Variants in VCPIP1 observed in about 807,000 individuals in gnomAD.
The protein encoded by VCPIP1 is deubiquitinating protein VCPIP1.
In VCPIP1, 8 loss-of-function variants were observed where a neutral mutation model predicts 85.0. The observed-to-expected ratio is 0.09, with a 90% CI of 0.06 to 0.17. VCPIP1 has a LOEUF of 0.17. Among genes scored for constraint, VCPIP1 ranks in the 10% least tolerant of loss-of-function variants. The probability of loss-of-function intolerance (pLI) is 1.00; values close to 1 mark genes in which losing one functional copy is unlikely to be tolerated. For missense variants in VCPIP1, 1,070 were observed against 1,486.3 expected, an observed-to-expected ratio of 0.72 and a Z score of 4.61; for synonymous variants, 543 against 544.5, an observed-to-expected ratio of 1.00 and a Z score of 0.04.
chr8:66,638,970 C>CTCTATATATATATATA, intron 2 of VCPIP1, among the ~76,000 whole-genome samples: 3 of 118,428 alleles, frequency 2.5e-5, no homozygotes, highest in African/African-American at 1.2e-4. Context: ...CTCTCTCTCT[C>CTCTATATATATATATA]TATATATATA....
intron 2 of VCPIP1, among the ~76,000 whole-genome samples, chr8:66,646,821 C>G (rs1475578994): frequency 6.6e-6 from 1 of 151,104 alleles, no homozygotes; most frequent in Admixed American, 6.6e-5. Context: ...TACAGAAGTT[C>G]GAGACCAGCC....
intron 1 of VCPIP1, among the ~76,000 whole-genome samples, chr8:66,663,263 T>A (rs952086694): frequency 6.6e-6 from 1 of 152,156 alleles, no homozygotes; most frequent in Non-Finnish European, 1.5e-5. Flanking sequence ...CTCCCCCAGA[T>A]AAGCCAGGAG....
chr8:66,651,162 G>A (rs1460164859), intron 2 of VCPIP1, among the ~76,000 whole-genome samples: 1 of 140,914 alleles, frequency 7.1e-6, no homozygotes, highest in East Asian at 2.0e-4. Flanking sequence ...TCCAGCCTGG[G>A]CAACAAGAAC....
In VCPIP1 at chr8:66,664,722, A is replaced by T; in HGVS notation, c.2237T>A (p.Val746Asp). 1.9e-6 allele frequency: 3 copies of T among 1,613,778 alleles called. No individual in the cohort carries two copies. The highest frequency in any genetic ancestry group is 2.5e-6 in the Non-Finnish European group (3 of 1,179,930). The part of the protein sequence containing the change: ...KQEQKGQPRT[V>D]SPSTIRDGPS... ...ACCATCACGAATGGTACTGGGAGAA[A>T]CAGTCCTGGGTTGCCCTTTTTGTTC... Residue 746 changes from valine to aspartate, a missense_variant, in exon 1 of 3, where the codon GTT becomes GAT. Val to Asp is a radical substitution (Grantham distance 152). This residue lies in a region of VCPIP1 where 278 missense variants were observed against 298.5 expected (regional missense o/e 0.93). Coordinates refer to ENST00000310421, the MANE Select transcript of VCPIP1 (RefSeq NM_025054.5).
intron 2 of VCPIP1, among the ~76,000 whole-genome samples, chr8:66,649,282 G>A (rs1299623872): frequency 2.0e-5 from 3 of 152,012 alleles, no homozygotes; most frequent in African/African-American, 4.8e-5. Context: ...AGGTCAAGGC[G>A]AGAGGATTGC....
At chr8:66,639,321 CTTTTTTTTTTTTTT>C (rs57563619) in intron 2 of VCPIP1, among the ~76,000 whole-genome samples, 2 of 67,808 alleles carry the variant, frequency 2.9e-5, no homozygotes, top group Middle Eastern at 0.022. Context: ...TAATTTTATT[CTTTTTTTTTTTTTT>C]TTTTTTTTTT....
intron 2 of VCPIP1, among the ~76,000 whole-genome samples, chr8:66,635,913 CAAAAA>C (rs1187108604): frequency 1.1e-4 from 8 of 75,726 alleles, no homozygotes; most frequent in Admixed American, 1.6e-4. Flanking sequence ...AACTCTATCT[CAAAAA>C]AAAAAAAAAA....
chr8:66,644,977 TG>T (rs1810980636), intron 2 of VCPIP1, among the ~76,000 whole-genome samples: 2 of 151,606 alleles, frequency 1.3e-5, no homozygotes, highest in Admixed American at 1.3e-4. Context: ...CCCACATCTG[TG>T]GTCCCAGCTA....
At chr8:66,656,230 T>C (rs529418545) in intron 1 of VCPIP1, among the ~76,000 whole-genome samples, 1 of 152,350 alleles carries the variant, frequency 6.6e-6, no homozygotes, top group South Asian at 2.1e-4. Flanking sequence ...GGTCTCGCTC[T>C]GTCACCCAGG....
rs1391673413 is a variant in VCPIP1, at chr8:66,633,231, G to A, written c.*1270C>T. 1 of 152,558 alleles carries A rather than the reference G, an allele frequency of 6.6e-6. No homozygotes were observed. The highest frequency in any genetic ancestry group is 1.9e-4 in the East Asian group (1 of 5,204). 9.5% of individuals were successfully genotyped at this position (152,558 alleles called of 1,614,324 possible). On this transcript the variant is annotated 3_prime_UTR_variant, in exon 3 of 3. Coordinates refer to ENST00000310421, the MANE Select transcript of VCPIP1 (RefSeq NM_025054.5). ...GTGCAAACAGAGACAGCCAGGCTTT[G>A]AATGCTCTAGGTAAGAGATTGTATT...
chr8:66,652,023 A>G (rs1811058898), intron 1 of VCPIP1, among the ~76,000 whole-genome samples: 1 of 151,922 alleles, frequency 6.6e-6, no homozygotes, highest in Non-Finnish European at 1.5e-5. Context: ...AAAAAAAAAA[A>G]AAAAATAGCT....
Position 66,667,223 on chromosome 8 carries a change from C to A in VCPIP1, c.-265G>T. 2 of 617,090 alleles carry A rather than the reference C, an allele frequency of 3.2e-6. No individual in the cohort carries two copies. The highest frequency in any genetic ancestry group is 6.7e-5 in the South Asian group (2 of 29,992). 38.2% of individuals were successfully genotyped at this position (617,090 alleles called of 1,614,324 possible). A position where few individuals can be genotyped will look rare whatever the true frequency, so the allele number is the denominator to read the frequency against. On this transcript the variant is annotated 5_prime_UTR_variant, in exon 1 of 3. In the 5' UTR this introduces an upstream ATG that the reference lacks. Transcript: ENST00000310421. ...ACTCACTCACTCTCGCTCTCTCTCC[C>A]TCAGACACAGACATACACGCCCTCA...
At chr8:66,654,226 A>C (rs1490943984) in intron 1 of VCPIP1, among the ~76,000 whole-genome samples, 3 of 152,254 alleles carry the variant, frequency 2.0e-5, no homozygotes, top group African/African-American at 7.2e-5. Flanking sequence ...CTGTAATCCC[A>C]ACACTTTGGG....
rs1335206829 is a variant in VCPIP1, at chr8:66,666,259, A to G, written c.700T>C (p.Phe234Leu). The G allele has an allele frequency of 1.2e-6, 2 of 1,614,014 alleles. No homozygotes were observed. The highest frequency in any genetic ancestry group is 1.7e-5 in the Admixed American group (1 of 60,000). Residue 234 changes from phenylalanine (F) to leucine (L), a missense_variant, in exon 1 of 3, where the codon TTC (phenylalanine) becomes CTC (leucine). By Grantham distance (22) the Phe-to-Leu change is conservative. Coordinates refer to ENST00000310421, the MANE Select transcript of VCPIP1 (RefSeq NM_025054.5). The surrounding 1 kb of genome is among the most constrained non-coding windows in gnomAD (Gnocchi z 6.3). The stretch of plus-strand genomic sequence containing the variant: ...AGATTCTCTCTTAAGGCATGCCAGA[A>G]GAGCTCTCGGCCTACTAGAGCCCGA... ...VSRALVGREL[F>L]WHALRENLKQ...
At chr8:66,639,321 CTTTTTTTTTTTTTTT>C (rs57563619) in intron 2 of VCPIP1, among the ~76,000 whole-genome samples, 30 of 67,808 alleles carry the variant, frequency 4.4e-4, no homozygotes, top group African/African-American at 1.8e-3. Flanking sequence ...TAATTTTATT[CTTTTTTTTTTTTTTT>C]TTTTTTTTTT....
intron 2 of VCPIP1, among the ~76,000 whole-genome samples, chr8:66,638,008 T>C (rs761533084): frequency 1.3e-5 from 2 of 152,176 alleles, no homozygotes; most frequent in Admixed American, 1.3e-4. Context: ...TACTTATATA[T>C]GCTAATGACA....
rs1010789196 is a variant in VCPIP1, at chr8:66,659,073, A to G, written c.2710+5176T>C. On this transcript the variant is annotated intron_variant, in intron 1 of 2. Coordinates refer to ENST00000310421, the MANE Select transcript of VCPIP1 (RefSeq NM_025054.5). ...CTCTAGGAAAACAAAAAAACAAACAAAACTAGAAACTTAATGAAATATAAC... is the reference window on the plus strand; with the variant it reads ...CTCTAGGAAAACAAAAAAACAAACAGAACTAGAAACTTAATGAAATATAAC... Among the ~76,000 whole-genome samples the G allele has an allele frequency of 9.7e-4, 148 of 152,164 alleles. 1 individual carries two copies. Among genetic ancestry groups the G allele is most frequent in the African/African-American group, 3.3e-3 (136 of 41,424 alleles).
At chr8:66,656,380 A>G (rs911942622) in intron 1 of VCPIP1, among the ~76,000 whole-genome samples, 1 of 151,948 alleles carries the variant, frequency 6.6e-6, no homozygotes, top group Non-Finnish European at 1.5e-5. Context: ...TTTTTTGGAG[A>G]CAGGGTCTCC....
At chr8:66,647,876 A>G (rs933271571) in intron 2 of VCPIP1, among the ~76,000 whole-genome samples, 2 of 152,152 alleles carry the variant, frequency 1.3e-5, no homozygotes, top group African/African-American at 4.8e-5. Flanking sequence ...CTCCTAGAAA[A>G]AAACACAATT....
Sources: gnomAD v4.1 joint callset for allele counts (sites outside exome capture counted in the v4.1 genomes callset) on GRCh38, gnomAD v4.1.1 for gene constraint, gnomAD v4.1.1 regional missense constraint, Gnocchi (gnomAD v3.1) non-coding constraint, MANE v1.5 for transcripts, NCBI Gene and HGNC (gene_info 2026-07-23, HGNC 2026-07-21) for gene names.